The following ABCA12 variants were observed in gnomAD, a reference collection of about 807,000 sequenced individuals.
ABCA12 encodes the protein ATP binding cassette subfamily A member 12, also known as glucosylceramide transporter ABCA12.
In ABCA12, 156 loss-of-function variants were observed where a neutral mutation model predicts 293.5. That is an observed-to-expected ratio of 0.53 (90% CI 0.47 to 0.61). The LOEUF is 0.61. Ranked by LOEUF, ABCA12 falls within the 20% of genes least tolerant of loss-of-function variation. ABCA12 has a pLI of 0.00. For synonymous variants in ABCA12, 1,063 were observed against 1,108.0 expected (o/e 0.96, Z 0.81); for missense variants, 2,797 against 3,090.2 (o/e 0.91, Z 2.25).
At chr2:214,976,888 G>A (rs374782404) in intron 33 of ABCA12, among the ~76,000 whole-genome samples, 306 of 152,170 alleles carry the variant, frequency 2.0e-3, no homozygotes, top group Middle Eastern at 0.017. Context: ...CATTCTCTCC[G>A]AAAGCCTGCC....
intron 32 of ABCA12, 110 bp downstream of exon 32, chr2:214,978,694 T>C: frequency 7.8e-7 from 1 of 1,286,060 alleles, no homozygotes. Context: ...TAAGCTTTTC[T>C]AATTTTGTGA....
At chr2:215,111,457 C>T (rs1702568181) in intron 2 of ABCA12, 140 bp downstream of exon 2, 9 of 599,846 alleles carry the variant, frequency 1.5e-5, no homozygotes, top group Non-Finnish European at 2.7e-5. Flanking sequence ...GTAAAAAACA[C>T]ACAAATTGTT....
intron 1 of ABCA12, among the ~76,000 whole-genome samples, chr2:215,136,903 C>T (rs894810480): frequency 4.6e-5 from 7 of 152,124 alleles, no homozygotes; most frequent in Admixed American, 4.6e-4. Context: ...ACTTAAGTTA[C>T]ATGAGGAGCA....
chr2:215,039,586 T>G (rs1701056007), intron 7 of ABCA12, among the ~76,000 whole-genome samples: 1 of 152,008 alleles, frequency 6.6e-6, no homozygotes. Context: ...AGACACCGTC[T>G]CTACTAAAAA....
intron 43 of ABCA12, 29 bp from the exon 44 acceptor site, chr2:214,954,136 C>T: frequency 6.2e-7 from 1 of 1,609,622 alleles, no homozygotes; most frequent in East Asian, 2.2e-5. Context: ...AAATAAAACT[C>T]AGTGTTAAGT....
intron 1 of ABCA12, among the ~76,000 whole-genome samples, chr2:215,119,423 T>A (rs1293311467): frequency 6.6e-6 from 1 of 152,176 alleles, no homozygotes; most frequent in East Asian, 1.9e-4. Context: ...TCTTTTAGGA[T>A]TTTTAGAGTT....
intron 18 of ABCA12, among the ~76,000 whole-genome samples, chr2:215,008,830 G>A (rs988350696): frequency 2.0e-5 from 3 of 152,140 alleles, no homozygotes; most frequent in African/African-American, 7.2e-5. Context: ...AAGCTCATAT[G>A]CTGCTGAGGT....
At chr2:215,033,304 A>G (rs552864967) in intron 8 of ABCA12, among the ~76,000 whole-genome samples, 1 of 152,338 alleles carries the variant, frequency 6.6e-6, no homozygotes, top group Non-Finnish European at 1.5e-5. Flanking sequence ...TTTGCAATGT[A>G]AAGGTATATA....
intron 2 of ABCA12, among the ~76,000 whole-genome samples, chr2:215,111,031 A>G (rs541122618): frequency 1.3e-5 from 2 of 152,368 alleles, no homozygotes; most frequent in African/African-American, 2.4e-5. Context: ...TTCTGGATCC[A>G]AAAGAAAATA....
At chr2:215,122,948 T>C (rs1702839024) in intron 1 of ABCA12, among the ~76,000 whole-genome samples, 1 of 152,166 alleles carries the variant, frequency 6.6e-6, no homozygotes, top group East Asian at 1.9e-4. Context: ...CCTTCCCTAC[T>C]ATGGCATTCC....
At chr2:215,056,407 T>C (rs1053838791) in intron 3 of ABCA12, among the ~76,000 whole-genome samples, 7 of 152,064 alleles carry the variant, frequency 4.6e-5, no homozygotes, top group Non-Finnish European at 1.5e-5. Context: ...AACAGTAAAA[T>C]GACTGCTCCT....
chr2:214,992,561 G>C lies in ABCA12; in HGVS notation c.3295-1530C>G, dbSNP rs191958943. Among the ~76,000 whole-genome samples, 386 of 81,800 alleles carry C rather than the reference G, an allele frequency of 4.7e-3. 5 individuals carry two copies. Among genetic ancestry groups the C allele is most frequent in the African/African-American group, 0.018 (367 of 20,678 alleles). The allele number at this position is 81,800 out of a possible 152,430, so 53.7% of individuals were successfully genotyped here. Reference sequence around the variant, plus strand: ...TTTTTTTAGGAAAAAAAAAAGAACAGAGGAAATCTCCACTAACTGGCCGGG... The same window carrying C: ...TTTTTTTAGGAAAAAAAAAAGAACACAGGAAATCTCCACTAACTGGCCGGG... On this transcript the variant is annotated intron_variant, in intron 23 of 52. Transcript: ENST00000272895.
At chr2:215,105,572 C>T (rs1366423184) in intron 2 of ABCA12, among the ~76,000 whole-genome samples, 1 of 145,422 alleles carries the variant, frequency 6.9e-6, no homozygotes, top group Non-Finnish European at 1.5e-5. Flanking sequence ...GGAGTTAGGG[C>T]TTCAAGACAC....
intron 39 of ABCA12, among the ~76,000 whole-genome samples, chr2:214,964,948 G>C (rs978511244): frequency 6.6e-6 from 1 of 151,956 alleles, no homozygotes; most frequent in African/African-American, 2.4e-5. Flanking sequence ...AACAAAGCTG[G>C]AAGCATCACA....
intron 44 of ABCA12, among the ~76,000 whole-genome samples, chr2:214,951,639 C>G (rs1433989438): frequency 6.6e-6 from 1 of 152,170 alleles, no homozygotes; most frequent in Non-Finnish European, 1.5e-5. Flanking sequence ...CACCTGTAGT[C>G]CCAGCTACTC....
At chr2:215,004,391 C>A in intron 19 of ABCA12, 92 bp from the exon 20 acceptor site, 1 of 893,450 alleles carries the variant, frequency 1.1e-6, no homozygotes, top group South Asian at 1.4e-5. Context: ...AGTGCAGTAA[C>A]CACAACTGGG....
intron 41 of ABCA12, 113 bp downstream of exon 41, chr2:214,958,164 C>G: frequency 7.1e-7 from 1 of 1,409,492 alleles, no homozygotes; most frequent in Non-Finnish European, 1.0e-6. Flanking sequence ...TATTTCCTGT[C>G]TTTGTGATAA....
chr2:215,078,281 T>C (rs983578895), intron 2 of ABCA12, among the ~76,000 whole-genome samples: 8 of 152,212 alleles, frequency 5.3e-5, no homozygotes, highest in Non-Finnish European at 7.4e-5. Context: ...TTCATTCCCC[T>C]TGACTCCTAC....
At chr2:214,972,684 G>C (rs1250272299) in intron 36 of ABCA12, among the ~76,000 whole-genome samples, 1 of 152,066 alleles carries the variant, frequency 6.6e-6, no homozygotes, top group African/African-American at 2.4e-5. Flanking sequence ...TTACAGGCAT[G>C]AGCCACTGCA....
Sources: allele counts gnomAD v4.1 joint callset (sites outside exome capture counted in the v4.1 genomes callset), GRCh38; gene constraint gnomAD v4.1.1; transcripts MANE v1.5; gene names NCBI Gene and HGNC (gene_info 2026-07-23, HGNC 2026-07-21).